The following ADCY9 variants were observed in gnomAD, a reference collection of about 807,000 sequenced individuals.
ADCY9 encodes the protein adenylate cyclase 9.
In ADCY9, 50 loss-of-function variants were observed where a neutral mutation model predicts 101.5. The ratio of observed to expected loss-of-function variants is 0.49; its 90% CI spans 0.39 to 0.62. The LOEUF (loss-of-function observed/expected upper bound fraction) is 0.62, where lower values mean the gene tolerates loss of function less well. Ranked by LOEUF, ADCY9 falls within the 20% of genes least tolerant of loss-of-function variation. ADCY9 has a pLI of 0.00. For missense variants in ADCY9, 1,662 were observed against 1,800.4 expected, an observed-to-expected ratio of 0.92 and a Z score of 1.39; for synonymous variants, 905 against 769.3, an observed-to-expected ratio of 1.18 and a Z score of -2.92.
intron 10 of ADCY9, among the ~76,000 whole-genome samples, chr16:3,969,068 C>T (rs943842733): frequency 6.6e-6 from 1 of 152,080 alleles, no homozygotes; most frequent in Admixed American, 6.6e-5. Flanking sequence ...TCGTGATCCA[C>T]CCGCCTCGGC....
chr16:4,000,237 G>A (rs2056320051), intron 3 of ADCY9, among the ~76,000 whole-genome samples: 1 of 152,222 alleles, frequency 6.6e-6, no homozygotes, highest in Non-Finnish European at 1.5e-5. Context: ...CACGATGCAG[G>A]TACTATGATC....
At chr16:4,102,613 C>A (rs952661537) in intron 2 of ADCY9, among the ~76,000 whole-genome samples, 6 of 152,034 alleles carry the variant, frequency 3.9e-5, no homozygotes, top group African/African-American at 1.2e-4. Context: ...TTAGTAGAGA[C>A]GGGGTTTCTC....
At chr16:4,108,360 A>ATTTTTTTTTTTTTTTTT (rs869169536) in intron 2 of ADCY9, among the ~76,000 whole-genome samples, 2 of 53,712 alleles carry the variant, frequency 3.7e-5, no homozygotes, top group Non-Finnish European at 3.2e-5. Context: ...CCGTTTCTTC[A>ATTTTTTTTTTTTTTTTT]TTTTTTTTTT....
intron 2 of ADCY9, among the ~76,000 whole-genome samples, chr16:4,059,973 G>C (rs1438153469): frequency 1.3e-5 from 2 of 152,150 alleles, no homozygotes; most frequent in Non-Finnish European, 2.9e-5. Flanking sequence ...TGATGCTTTG[G>C]CTTGAGGGGC....
chr16:4,114,035 T>A lies in ADCY9; in HGVS notation c.1408A>T (p.Ile470Phe). ...TGGCAGAACTGCTCGATGGCCTTGA[T>A]CATGCCCAGGCCCATCTCGATGCAG... ...YCCIEMGLGMIKAIEQFCQEK... is the reference protein window; with the variant it reads ...YCCIEMGLGMFKAIEQFCQEK... The change falls in exon 2 of 11, where the codon ATC becomes TTC. Residue 470 changes from isoleucine to phenylalanine, a missense_variant. Ile to Phe is a conservative substitution (Grantham distance 21). Transcript: ENST00000294016. This position sits in a 1 kb window ranked among gnomAD's most constrained non-coding sequence, Gnocchi z 4.3. 6.2e-7 allele frequency: 1 copy of A among 1,613,864 alleles called. No homozygotes were observed. Among genetic ancestry groups the A allele is most frequent in the Non-Finnish European group, 8.5e-7 (1 of 1,180,036 alleles).
intron 10 of ADCY9, among the ~76,000 whole-genome samples, chr16:3,967,220 G>A (rs528996656): frequency 6.6e-6 from 1 of 152,214 alleles, no homozygotes; most frequent in East Asian, 1.9e-4. Flanking sequence ...GCACTCCTGG[G>A]CTCAAGCAAT....
In ADCY9 at chr16:4,029,510, G is replaced by A. The variant is rs560766865; in HGVS notation, c.1694-21952C>T. 9.8e-5 allele frequency among the ~76,000 whole-genome samples: 15 copies of A among 152,298 alleles called. 1 individual carries two copies. In the South Asian group the frequency reaches 1.2e-3, roughly 13 times the overall value. ...ACATGTAATCTCAGCACTTTAGGAG[G>A]CCAAGGTTGGTGGACCACCCGAGGT... On this transcript the variant is annotated intron_variant, in intron 2 of 10. Coordinates refer to ENST00000294016, the MANE Select transcript of ADCY9 (RefSeq NM_001116.4).
intron 3 of ADCY9, among the ~76,000 whole-genome samples, chr16:3,997,484 C>T (rs2056296580): frequency 6.6e-6 from 1 of 152,230 alleles, no homozygotes; most frequent in East Asian, 1.9e-4. Context: ...CCGAGGCCTG[C>T]ACCCTGCAGT....
At chr16:4,086,080 C>T (rs764612548) in intron 2 of ADCY9, among the ~76,000 whole-genome samples, 2 of 151,860 alleles carry the variant, frequency 1.3e-5, no homozygotes, top group African/African-American at 2.4e-5. Context: ...GACGGCCGCG[C>T]GGAGAGCACC....
intron 6 of ADCY9, among the ~76,000 whole-genome samples, chr16:3,986,679 A>G (rs890009937): frequency 1.3e-5 from 2 of 152,058 alleles, no homozygotes; most frequent in Admixed American, 1.3e-4. Context: ...GCTGGTCTCG[A>G]ACTCCTGACC....
At position 4,097,487 on chromosome 16, in the gene ADCY9, T is replaced by TAC. The variant is rs71139606; in HGVS notation, c.1693+16261_1693+16262dup. On this transcript the variant is annotated intron_variant, in intron 2 of 10. Transcript: ENST00000294016. Reference sequence around the variant, plus strand: ...ATATATATATATATATATATATATATACACACACACACACTATATATATGT... The same window carrying TAC: ...ATATATATATATATATATATATATATACACACACACACACACTATATATATGT... 3.6e-3 allele frequency among the ~76,000 whole-genome samples: 260 copies of TAC among 72,472 alleles called. 4 individuals are homozygous for TAC. The highest frequency in any genetic ancestry group is 5.1e-3 in the Non-Finnish European group (192 of 37,680). 47.5% of individuals were successfully genotyped at this position (72,472 alleles called of 152,430 possible). A position where few individuals can be genotyped will look rare whatever the true frequency, so the allele number is the denominator to read the frequency against.
intron 2 of ADCY9, among the ~76,000 whole-genome samples, chr16:4,069,158 G>C (rs1429183863): frequency 5.3e-5 from 8 of 152,152 alleles, no homozygotes. Context: ...GTGTTTCAGA[G>C]GGCCTGCGTT....
At chr16:3,988,453 G>GGA (rs756277289) in intron 6 of ADCY9, among the ~76,000 whole-genome samples, 2 of 92,684 alleles carry the variant, frequency 2.2e-5, no homozygotes, top group Non-Finnish European at 5.3e-5. Flanking sequence ...CAGGTGGGGG[G>GGA]TTCCCTTCCA....
chr16:4,080,273 T>C (rs2056893365), intron 2 of ADCY9, among the ~76,000 whole-genome samples: 1 of 152,168 alleles, frequency 6.6e-6, no homozygotes. Context: ...TGAGACAGTC[T>C]TGCTCTGTTG....
chr16:4,112,030 G>T (rs778364975), intron 2 of ADCY9, among the ~76,000 whole-genome samples: 4 of 152,016 alleles, frequency 2.6e-5, no homozygotes, highest in Non-Finnish European at 5.9e-5. Flanking sequence ...CTTACAAAAC[G>T]TTCTCATTGT....
chr16:3,975,502 C>T (rs1425838572), intron 9 of ADCY9, among the ~76,000 whole-genome samples: 1 of 152,168 alleles, frequency 6.6e-6, no homozygotes, highest in African/African-American at 2.4e-5. Flanking sequence ...CCGTCTGATA[C>T]TGACAATACT....
intron 2 of ADCY9, among the ~76,000 whole-genome samples, chr16:4,030,472 C>A (rs1392330109): frequency 1.3e-5 from 2 of 151,986 alleles, no homozygotes; most frequent in South Asian, 2.1e-4. Context: ...GAGGCCTAGG[C>A]GGGTGGATTA....
intron 2 of ADCY9, among the ~76,000 whole-genome samples, chr16:4,092,133 G>A (rs959870124): frequency 1.3e-5 from 2 of 152,174 alleles, no homozygotes. Flanking sequence ...AGACAGGTGT[G>A]GTGGCGGGTG....
At chr16:4,084,500 G>A (rs1016693108) in intron 2 of ADCY9, among the ~76,000 whole-genome samples, 4 of 151,996 alleles carry the variant, frequency 2.6e-5, no homozygotes, top group Non-Finnish European at 4.4e-5. Flanking sequence ...CCAAGGTGGG[G>A]GTATTGCTTG....
Sources: gnomAD v4.1 joint callset for allele counts (sites outside exome capture counted in the v4.1 genomes callset) on GRCh38, gnomAD v4.1.1 for gene constraint, Gnocchi (gnomAD v3.1) non-coding constraint, MANE v1.5 for transcripts, NCBI Gene and HGNC (gene_info 2026-07-23, HGNC 2026-07-21) for gene names.